Variants in CTNNA2 observed in about 807,000 individuals in gnomAD.
CTNNA2 encodes the protein catenin alpha-2.
In CTNNA2, 42 loss-of-function variants were observed where a neutral mutation model predicts 101.0. The ratio of observed to expected loss-of-function variants is 0.42; its 90% CI spans 0.32 to 0.54. The LOEUF is 0.54. Ranked by LOEUF, CTNNA2 falls within the 20% of genes least tolerant of loss-of-function variation. The probability of loss-of-function intolerance (pLI) is 0.14; values close to 1 mark genes in which losing one functional copy is unlikely to be tolerated. For missense variants in CTNNA2, 871 were observed against 1,223.1 expected (o/e 0.71, Z 4.29); for synonymous variants, 450 against 456.4 (o/e 0.99, Z 0.18).
At chr2:79,564,929 A>T (rs1361483741) in intron 1 of CTNNA2, among the ~76,000 whole-genome samples, 2 of 152,054 alleles carry the variant, frequency 1.3e-5, no homozygotes, top group Non-Finnish European at 2.9e-5. Flanking sequence ...TGTTTTATTT[A>T]CTTGCGTTCT....
chr2:79,932,614 A>G (rs1687525911), intron 7 of CTNNA2, among the ~76,000 whole-genome samples: 1 of 152,116 alleles, frequency 6.6e-6, no homozygotes, highest in Non-Finnish European at 1.5e-5. Flanking sequence ...GAACTACTCA[A>G]TTTACAATAT....
At chr2:80,394,831 T>C (rs1460991913) in intron 8 of CTNNA2, among the ~76,000 whole-genome samples, 3 of 151,966 alleles carry the variant, frequency 2.0e-5, no homozygotes, top group Non-Finnish European at 4.4e-5. Flanking sequence ...ATGTCAGAGG[T>C]CCCAATGACT....
chr2:79,646,524 CTTTTTT>C lies in CTNNA2; in HGVS notation c.-5-5011_-5-5006del, dbSNP rs67454188. On this transcript the variant is annotated intron_variant, in intron 1 of 18. Transcript: ENST00000402739. ...CACAATTTAAAACTTTTCTTTCTGTCTTTTTTTTTTTTTTTTTTTTTTGAGAAAGGA... is the reference window on the plus strand; with the variant it reads ...CACAATTTAAAACTTTTCTTTCTGTCTTTTTTTTTTTTTTTTGAGAAAGGA... Among the ~76,000 whole-genome samples, 78 of 106,144 alleles carry C rather than the reference CTTTTTT, an allele frequency of 7.3e-4. No homozygotes were observed. In the East Asian group the frequency reaches 0.023, roughly 31 times the overall value. 69.6% of individuals were successfully genotyped at this position (106,144 alleles called of 152,430 possible).
chr2:79,331,178 C>T (rs1030558311), intron 3 of CTNNA2, among the ~76,000 whole-genome samples: 10 of 152,154 alleles, frequency 6.6e-5, no homozygotes, highest in Non-Finnish European at 1.2e-4. Context: ...GATGTTTCAT[C>T]TGCTCATCTC....
chr2:79,777,342 TG>T (rs1674053035), intron 3 of CTNNA2, among the ~76,000 whole-genome samples: 2 of 97,276 alleles, frequency 2.1e-5, no homozygotes, highest in Non-Finnish European at 3.4e-5. Flanking sequence ...TGTGTGTGTG[TG>T]TGTGTGTGTG....
chr2:80,472,939 C>T (rs1685424801), intron 9 of CTNNA2, among the ~76,000 whole-genome samples: 5 of 152,172 alleles, frequency 3.3e-5, no homozygotes, highest in Admixed American at 1.3e-4. Context: ...CCCACCTTCT[C>T]GTTCAGCTTG....
intron 2 of CTNNA2, among the ~76,000 whole-genome samples, chr2:79,693,204 A>C (rs976939088): frequency 1.3e-5 from 2 of 151,984 alleles, no homozygotes; most frequent in African/African-American, 4.8e-5. Context: ...GAAGAAGTAC[A>C]ATTAAAGTCA....
intron 9 of CTNNA2, among the ~76,000 whole-genome samples, chr2:80,435,504 TA>T (rs1681947245): frequency 6.6e-6 from 1 of 152,218 alleles, no homozygotes; most frequent in South Asian, 2.1e-4. Flanking sequence ...GGGGACATTT[TA>T]CTGTTGTTCA....
intron 7 of CTNNA2, among the ~76,000 whole-genome samples, chr2:80,221,702 A>G (rs1371271990): frequency 2.0e-5 from 3 of 152,140 alleles, no homozygotes; most frequent in African/African-American, 4.8e-5. Flanking sequence ...ATGCTGCACT[A>G]CCTTGGTTTG....
intron 7 of CTNNA2, among the ~76,000 whole-genome samples, chr2:80,053,403 T>C (rs1430623950): frequency 6.6e-6 from 1 of 152,232 alleles, no homozygotes; most frequent in Non-Finnish European, 1.5e-5. Context: ...AGTAAATATC[T>C]CTATCATATG....
At chr2:79,576,534 C>A (rs1675811441) in intron 1 of CTNNA2, among the ~76,000 whole-genome samples, 1 of 152,072 alleles carries the variant, frequency 6.6e-6, no homozygotes, top group African/African-American at 2.4e-5. Flanking sequence ...TAACAAGAGT[C>A]TCATCGATTT....
chr2:79,198,923 C>G (rs1673997204), intron 2 of CTNNA2, among the ~76,000 whole-genome samples: 1 of 152,112 alleles, frequency 6.6e-6, no homozygotes, highest in East Asian at 1.9e-4. Flanking sequence ...TAAGATGTTA[C>G]AATCAGTGCA....
chr2:80,005,372 T>C (rs1416942400), intron 7 of CTNNA2, among the ~76,000 whole-genome samples: 1 of 152,186 alleles, frequency 6.6e-6, no homozygotes, highest in East Asian at 1.9e-4. Context: ...AATGAGGCTT[T>C]CAAATCTCTT....
At chr2:79,753,820 G>T (rs1672206428) in intron 3 of CTNNA2, among the ~76,000 whole-genome samples, 1 of 150,878 alleles carries the variant, frequency 6.6e-6, no homozygotes, top group African/African-American at 2.4e-5. Context: ...AATGTGAAGT[G>T]ATATGGTGAT....
chr2:79,860,643 A>T (rs1681548774), intron 4 of CTNNA2, among the ~76,000 whole-genome samples: 1 of 150,042 alleles, frequency 6.7e-6, no homozygotes, highest in African/African-American at 2.4e-5. Flanking sequence ...TAGTAAAATT[A>T]AAAATGATTG....
intron 1 of CTNNA2, among the ~76,000 whole-genome samples, chr2:79,594,177 C>T (rs558603739): frequency 3.3e-5 from 5 of 152,118 alleles, no homozygotes; most frequent in Admixed American, 6.5e-5. Flanking sequence ...TGTGAGCCAC[C>T]GCACCTGGCC....
intron 7 of CTNNA2, among the ~76,000 whole-genome samples, chr2:79,912,299 G>A (rs1038706507): frequency 1.2e-4 from 18 of 152,234 alleles, no homozygotes; most frequent in African/African-American, 4.3e-4. Context: ...ATGACACAGA[G>A]GGAGACAGAG....
At chr2:80,587,506 T>A (rs1046036492) in intron 14 of CTNNA2, among the ~76,000 whole-genome samples, 3 of 152,208 alleles carry the variant, frequency 2.0e-5, no homozygotes, top group African/African-American at 7.2e-5. Flanking sequence ...AGGTAATTAT[T>A]TACTATGCCC....
intron 16 of CTNNA2, 137 bp from the exon 17 acceptor site, chr2:80,608,047 C>A: frequency 1.4e-6 from 1 of 696,772 alleles, no homozygotes; most frequent in Non-Finnish European, 2.2e-6. Flanking sequence ...CTAAAATGCA[C>A]TGTGAAAAAG....
Sources: gnomAD v4.1 joint callset for allele counts (sites outside exome capture counted in the v4.1 genomes callset) on GRCh38, gnomAD v4.1.1 for gene constraint, MANE v1.5 for transcripts, NCBI Gene and HGNC (gene_info 2026-07-23, HGNC 2026-07-21) for gene names.